GMDS: variants seen among roughly 807,000 people sequenced by gnomAD.
GMDS encodes the protein GDP-mannose 4,6-dehydratase, also known as GDP-mannose 4,6 dehydratase.
Under a neutral mutation model 49.9 loss-of-function variants are expected in GMDS, and 20 were observed. The ratio of observed to expected loss-of-function variants is 0.40; its 90% CI spans 0.28 to 0.58. The LOEUF is 0.58. Ranked by LOEUF, GMDS falls within the 20% of genes least tolerant of loss-of-function variation. The pLI, the probability that GMDS is intolerant of heterozygous loss-of-function variation, is 0.42. For missense variants in GMDS, 362 were observed against 481.4 expected (o/e 0.75, Z 2.32); for synonymous variants, 177 against 178.6 (o/e 0.99, Z 0.07).
chr6:1,944,020 TATCCCACATC>T (rs3839605), intron 6 of GMDS, among the ~76,000 whole-genome samples: 4,189 of 152,318 alleles, frequency 0.028, 161 homozygotes, highest in East Asian at 0.18. Flanking sequence ...AAAAATGACT[TATCCCACATC>T]GTTCCACATC....
intron 7 of GMDS, among the ~76,000 whole-genome samples, chr6:1,789,532 C>CTTTTTTT (rs59996305): frequency 8.6e-4 from 121 of 141,112 alleles, no homozygotes; most frequent in Non-Finnish European, 1.4e-3. Flanking sequence ...TTTCTTTTTT[C>CTTTTTTT]TTTTTTTTTT....
intron 7 of GMDS, among the ~76,000 whole-genome samples, chr6:1,830,539 A>G (rs1026986599): frequency 6.6e-6 from 1 of 152,240 alleles, no homozygotes; most frequent in Non-Finnish European, 1.5e-5. Flanking sequence ...AGAAATAAAG[A>G]CAAGAAGATG....
At chr6:2,160,834 ACT>A (rs552047315) in intron 1 of GMDS, among the ~76,000 whole-genome samples, 297 of 151,746 alleles carry the variant, frequency 2.0e-3, no homozygotes, top group African/African-American at 6.9e-3. Flanking sequence ...CTGACCAAAG[ACT>A]CTGATGTATT....
At position 2,083,786 on chromosome 6, in the gene GMDS, T is replaced by C. The variant is rs965541253; in HGVS notation, c.345+31985A>G. Among the ~76,000 whole-genome samples the C allele has an allele frequency of 7.2e-5, 11 of 152,346 alleles. 1 individual carries two copies. In the South Asian group the frequency reaches 1.9e-3, roughly 26 times the overall value. Reference sequence around the variant, plus strand: ...ATCAACTAATCTGCAAATTATGGTATATTTATCATTTGCTATTGATATCCT... The same window carrying C: ...ATCAACTAATCTGCAAATTATGGTACATTTATCATTTGCTATTGATATCCT... On this transcript the variant is annotated intron_variant, in intron 4 of 10. Transcript: ENST00000380815.
At chr6:1,700,966 CA>C (rs1359106706) in intron 9 of GMDS, among the ~76,000 whole-genome samples, 2 of 152,192 alleles carry the variant, frequency 1.3e-5, no homozygotes, top group Non-Finnish European at 2.9e-5. Flanking sequence ...CAGTGAAGTG[CA>C]AAATCCCAGG....
chr6:1,640,004 G>A lies in GMDS; in HGVS notation c.988-15464C>T, dbSNP rs1475196929. ...ATGTATAAGCCTGTTGAATGATATC[G>A]ACCAATGCTAAAGATCAGAGATAAA... On this transcript the variant is annotated intron_variant, in intron 9 of 10. Transcript: ENST00000380815. This position sits in a 1 kb window ranked among gnomAD's most constrained non-coding sequence, Gnocchi z 4.0. Among the ~76,000 whole-genome samples, 3 of 152,146 alleles carry A rather than the reference G, an allele frequency of 2.0e-5. No individual in the cohort carries two copies. Among genetic ancestry groups the A allele is most frequent in the African/African-American group, 4.8e-5 (2 of 41,422 alleles).
chr6:2,160,694 CCTGG>C (rs2127545246), intron 1 of GMDS, among the ~76,000 whole-genome samples: 1 of 152,164 alleles, frequency 6.6e-6, no homozygotes, highest in East Asian at 1.9e-4. Context: ...CACCACCACA[CCTGG>C]CTAATTTTTT....
chr6:1,976,397 C>T (rs1764903444), intron 4 of GMDS, among the ~76,000 whole-genome samples: 1 of 152,152 alleles, frequency 6.6e-6, no homozygotes, highest in Non-Finnish European at 1.5e-5. Flanking sequence ...ATGTGCCTAA[C>T]CCAGTGCCTG....
At position 1,937,230 on chromosome 6, in the gene GMDS, C is replaced by T. The variant is rs925609867; in HGVS notation, c.644-7000G>A. Reference sequence around the variant, plus strand: ...TGACACTGCCTAATGATGCATTTCTCAGAACAAATCCCTGTGGTTCCGTGA... The same window carrying T: ...TGACACTGCCTAATGATGCATTTCTTAGAACAAATCCCTGTGGTTCCGTGA... On this transcript the variant is annotated intron_variant, in intron 6 of 10. Coordinates refer to ENST00000380815, the MANE Select transcript of GMDS (RefSeq NM_001500.4). Among the ~76,000 whole-genome samples, 2 of 152,278 alleles carry T rather than the reference C, an allele frequency of 1.3e-5. 1 individual carries two copies. Among genetic ancestry groups the T allele is most frequent in the East Asian group, 3.9e-4 (2 of 5,162 alleles).
intron 4 of GMDS, among the ~76,000 whole-genome samples, chr6:2,021,551 G>A (rs1768278616): frequency 6.6e-6 from 1 of 152,046 alleles, no homozygotes; most frequent in Non-Finnish European, 1.5e-5. Flanking sequence ...AAAGATACAA[G>A]GTGGAAAAAA....
intron 9 of GMDS, among the ~76,000 whole-genome samples, chr6:1,684,937 G>A (rs1764920556): frequency 6.6e-6 from 1 of 152,002 alleles, no homozygotes; most frequent in South Asian, 2.1e-4. Context: ...GCCTGCCACT[G>A]AAGCCACAAT....
At chr6:1,817,888 C>T (rs1445302333) in intron 7 of GMDS, among the ~76,000 whole-genome samples, 1 of 152,112 alleles carries the variant, frequency 6.6e-6, no homozygotes, top group Non-Finnish European at 1.5e-5. Context: ...GAATGATCAA[C>T]TATTTTTCTT....
At chr6:1,660,824 C>T (rs17134132) in intron 9 of GMDS, among the ~76,000 whole-genome samples, 2 of 148,002 alleles carry the variant, frequency 1.4e-5, no homozygotes, top group African/African-American at 5.0e-5. Context: ...CTCATGCGGA[C>T]CTGGAGTCTT....
At chr6:1,784,390 C>CAA (rs780517217) in intron 7 of GMDS, among the ~76,000 whole-genome samples, 51 of 40,220 alleles carry the variant, frequency 1.3e-3, no homozygotes, top group Non-Finnish European at 1.4e-3. Flanking sequence ...AGACTCGTCT[C>CAA]AAAAAAAAAA....
chr6:1,998,982 A>G (rs1766469156), intron 4 of GMDS, among the ~76,000 whole-genome samples: 1 of 152,212 alleles, frequency 6.6e-6, no homozygotes, highest in Non-Finnish European at 1.5e-5. Context: ...GCAACAAGCA[A>G]TAAGTAATAA....
chr6:2,072,091 T>C (rs770185478), intron 4 of GMDS, among the ~76,000 whole-genome samples: 40 of 152,204 alleles, frequency 2.6e-4, no homozygotes, highest in Non-Finnish European at 4.6e-4. Flanking sequence ...ATTGCATGTC[T>C]GTGTGTTGCT....
chr6:2,061,487 C>A (rs1346133835), intron 4 of GMDS, among the ~76,000 whole-genome samples: 1 of 151,938 alleles, frequency 6.6e-6, no homozygotes, highest in African/African-American at 2.4e-5. Flanking sequence ...GAGGTTGAGG[C>A]GGTCGGATCA....
intron 7 of GMDS, among the ~76,000 whole-genome samples, chr6:1,810,482 T>C (rs1430624948): frequency 1.3e-5 from 2 of 151,746 alleles, no homozygotes; most frequent in African/African-American, 4.8e-5. Flanking sequence ...AGGGTTTCAC[T>C]GTGTTGGCCA....
chr6:1,961,015 A>ATG, intron 4 of GMDS, 49 bp from the exon 5 acceptor site: 3 of 1,124,030 alleles, frequency 2.7e-6, no homozygotes, highest in Non-Finnish European at 3.8e-6. Context: ...TTCATAGCAC[A>ATG]AAGGTGCTGT....
Sources: allele counts gnomAD v4.1 joint callset (sites outside exome capture counted in the v4.1 genomes callset), GRCh38; gene constraint gnomAD v4.1.1; non-coding constraint Gnocchi (gnomAD v3.1); transcripts MANE v1.5; gene names NCBI Gene and HGNC (gene_info 2026-07-23, HGNC 2026-07-21).